The following ACTL8 variants were observed in gnomAD, a reference collection of about 807,000 sequenced individuals.
The protein encoded by ACTL8 is actin like 8, also known as actin-like protein 8.
ACTL8 carries 3 observed loss-of-function variants against 9.3 expected under a neutral mutation model. The observed-to-expected ratio is 0.32, with a 90% CI of 0.15 to 0.83. The LOEUF (loss-of-function observed/expected upper bound fraction) is 0.83. ACTL8 is among the 40% of genes least tolerant of loss of function. The probability of loss-of-function intolerance (pLI) is 0.57; values close to 1 mark genes in which losing one functional copy is unlikely to be tolerated. For missense variants in ACTL8, 381 were observed against 492.2 expected, an observed-to-expected ratio of 0.77 and a Z score of 2.14; for synonymous variants, 224 against 205.9, an observed-to-expected ratio of 1.09 and a Z score of -0.75.
At chr1:17,822,898 C>CTG (rs2053675324) in intron 1 of ACTL8, 87 bp from the exon 2 acceptor site, 1 of 861,834 alleles carries the variant, frequency 1.2e-6, no homozygotes, top group East Asian at 2.7e-5. Flanking sequence ...CAGGGGGAGC[C>CTG]TGAGGTTTGA....
In ACTL8 at chr1:17,767,969, G is replaced by C. The variant is rs1225029775; in HGVS notation, c.-25+12465G>C. Among the ~76,000 whole-genome samples the C allele has an allele frequency of 6.6e-6, 1 of 152,110 alleles. No homozygotes were observed. Among genetic ancestry groups the C allele is most frequent in the East Asian group, 1.9e-4 (1 of 5,184 alleles). On this transcript the variant is annotated intron_variant, in intron 1 of 2. Transcript: ENST00000375406. This position sits in a 1 kb window ranked among gnomAD's most constrained non-coding sequence, Gnocchi z 4.7. Reference sequence around the variant, plus strand: ...ACTGGGTGTCTGTGGGTTCAGTCCTGGGGGGCAGGGGTGAGCATATATGTG... The same window carrying C: ...ACTGGGTGTCTGTGGGTTCAGTCCTCGGGGGCAGGGGTGAGCATATATGTG...
At chr1:17,774,056 C>T (rs947522380) in intron 1 of ACTL8, among the ~76,000 whole-genome samples, 2 of 152,102 alleles carry the variant, frequency 1.3e-5, no homozygotes, top group African/African-American at 4.8e-5. Flanking sequence ...TAGATGCCCA[C>T]CTGTGGACAT....
chr1:17,812,427 C>CTTTTTTT (rs141182523), intron 1 of ACTL8, among the ~76,000 whole-genome samples: 1 of 122,420 alleles, frequency 8.2e-6, no homozygotes, highest in African/African-American at 3.1e-5. Context: ...ATTTTTTTTC[C>CTTTTTTT]TTTTTTTTTT....
intron 1 of ACTL8, among the ~76,000 whole-genome samples, chr1:17,759,350 C>G (rs961969734): frequency 6.6e-6 from 1 of 152,236 alleles, no homozygotes; most frequent in Non-Finnish European, 1.5e-5. Context: ...TCCTGCAGCA[C>G]GTGCCGCTCA....
intron 1 of ACTL8, among the ~76,000 whole-genome samples, chr1:17,799,335 C>T (rs937307400): frequency 6.6e-6 from 1 of 152,202 alleles, no homozygotes; most frequent in Non-Finnish European, 1.5e-5. Context: ...ACATCTCATC[C>T]CTTTACTGTG....
At chr1:17,819,773 G>A (rs1274131244) in intron 1 of ACTL8, among the ~76,000 whole-genome samples, 1 of 152,104 alleles carries the variant, frequency 6.6e-6, no homozygotes, top group African/African-American at 2.4e-5. Context: ...GCTTACAACT[G>A]TAATCCCAGC....
intron 1 of ACTL8, among the ~76,000 whole-genome samples, chr1:17,815,511 G>T (rs1168882819): frequency 6.6e-6 from 1 of 152,050 alleles, no homozygotes; most frequent in Non-Finnish European, 1.5e-5. Flanking sequence ...CTGGTGGGAA[G>T]TCTGCAGTCA....
intron 1 of ACTL8, among the ~76,000 whole-genome samples, chr1:17,810,013 T>G (rs930674444): frequency 1.3e-5 from 2 of 152,168 alleles, no homozygotes; most frequent in Non-Finnish European, 2.9e-5. Context: ...CAACTTTTTC[T>G]TCCACTGGAT....
intron 1 of ACTL8, among the ~76,000 whole-genome samples, chr1:17,775,682 T>C (rs1031486684): frequency 6.6e-6 from 1 of 152,190 alleles, no homozygotes; most frequent in Non-Finnish European, 1.5e-5. Context: ...GTTAAAGATA[T>C]TCTTTCTTGA....
intron 1 of ACTL8, among the ~76,000 whole-genome samples, chr1:17,781,822 T>C (rs746495426): frequency 6.6e-6 from 1 of 152,108 alleles, no homozygotes; most frequent in Non-Finnish European, 1.5e-5. Flanking sequence ...CTTTGATTTG[T>C]TAGGGCCCCC....
At chr1:17,803,122 G>A (rs1292484481) in intron 1 of ACTL8, among the ~76,000 whole-genome samples, 4 of 152,062 alleles carry the variant, frequency 2.6e-5, no homozygotes, top group Non-Finnish European at 5.9e-5. Context: ...ATTGAGTCAC[G>A]GAGGCGGTTA....
intron 1 of ACTL8, among the ~76,000 whole-genome samples, chr1:17,810,600 G>A (rs1373397135): frequency 6.6e-6 from 1 of 152,052 alleles, no homozygotes; most frequent in East Asian, 1.9e-4. Flanking sequence ...ATGCATGCAG[G>A]CATGTAACCA....
chr1:17,819,698 T>C (rs1193833870), intron 1 of ACTL8, among the ~76,000 whole-genome samples: 1 of 152,232 alleles, frequency 6.6e-6, no homozygotes, highest in Non-Finnish European at 1.5e-5. Context: ...CACCTTTCAT[T>C]GAATATTCCC....
intron 1 of ACTL8, among the ~76,000 whole-genome samples, chr1:17,819,300 A>G (rs897067657): frequency 6.6e-6 from 1 of 152,222 alleles, no homozygotes; most frequent in Non-Finnish European, 1.5e-5. Flanking sequence ...ATTGAGTGTG[A>G]GGAATCTATC....
intron 1 of ACTL8, among the ~76,000 whole-genome samples, chr1:17,758,093 T>C (rs755222131): frequency 5.9e-5 from 9 of 152,210 alleles, no homozygotes; most frequent in Non-Finnish European, 1.2e-4. Flanking sequence ...AGCCCCTTTG[T>C]CCTTGAAATG....
chr1:17,824,021 TAATGA>T (rs2053687815), intron 2 of ACTL8, among the ~76,000 whole-genome samples: 1 of 152,170 alleles, frequency 6.6e-6, no homozygotes, highest in African/African-American at 2.4e-5. Flanking sequence ...TCTAGAACCA[TAATGA>T]AATGGGATCA....
At chr1:17,802,725 G>A (rs1198556196) in intron 1 of ACTL8, among the ~76,000 whole-genome samples, 1 of 152,172 alleles carries the variant, frequency 6.6e-6, no homozygotes, top group African/African-American at 2.4e-5. Flanking sequence ...GCTCATACCT[G>A]TAATCCCAGC....
Position 17,826,167 on chromosome 1 carries a change from C to G in ACTL8, c.749C>G (p.Pro250Arg), listed in dbSNP as rs773088483. 2.8e-5 allele frequency: 45 copies of G among 1,612,950 alleles called. No individual in the cohort carries two copies. In the East Asian group the frequency reaches 9.8e-4, roughly 35 times the overall value. ...GACGGCTCCCGCGTGGAGCTGACCCCCATGCAGCGGGTGGCTCCTGAGATG... is the reference window on the plus strand; with the variant it reads ...GACGGCTCCCGCGTGGAGCTGACCCGCATGCAGCGGGTGGCTCCTGAGATG... ...LPDGSRVELT[P>R]MQRVAPEMFF... The change falls in exon 3 of 3, where the codon CCC (proline) becomes CGC (arginine). Residue 250 changes from proline (P) to arginine (R), a missense_variant. Transcript: ENST00000375406. This position sits in a 1 kb window ranked among gnomAD's most constrained non-coding sequence, Gnocchi z 4.5.
intron 1 of ACTL8, among the ~76,000 whole-genome samples, chr1:17,809,665 T>C (rs912961564): frequency 2.6e-5 from 4 of 151,988 alleles, no homozygotes; most frequent in Non-Finnish European, 5.9e-5. Flanking sequence ...GTGAGGGATC[T>C]AGGTTGCGTG....
Sources: allele counts gnomAD v4.1 joint callset (sites outside exome capture counted in the v4.1 genomes callset), GRCh38; gene constraint gnomAD v4.1.1; non-coding constraint Gnocchi (gnomAD v3.1); transcripts MANE v1.5; gene names NCBI Gene and HGNC (gene_info 2026-07-23, HGNC 2026-07-21).